The following STAT5B variants were observed in gnomAD, a reference collection of about 807,000 sequenced individuals.
The protein encoded by STAT5B is signal transducer and activator of transcription 5B, also known as transcription factor STAT5B.
A neutral mutation model predicts 107.8 loss-of-function variants in STAT5B; 21 were observed. The observed-to-expected ratio is 0.19, with a 90% CI of 0.14 to 0.28. The LOEUF is 0.28. STAT5B is among the 10% of genes least tolerant of loss of function. The probability of loss-of-function intolerance (pLI) is 1.00; values close to 1 mark genes in which losing one functional copy is unlikely to be tolerated. For missense variants in STAT5B, 565 were observed against 1,008.2 expected (o/e 0.56, Z 5.95); for synonymous variants, 325 against 401.7 (o/e 0.81, Z 2.28).
In STAT5B at chr17:42,201,140, A is replaced by G. The variant is rs1461777855; in HGVS notation, c.*598T>C. ...GCTTGTGACTTCCCTTGCCCCAACA[A>G]TCTTTGTAGGTTGCCCCTTTTCCCA... is the stretch of plus-strand genomic sequence containing the variant. On this transcript the variant is annotated 3_prime_UTR_variant, in exon 19 of 19. Transcript: ENST00000293328. 1.2e-5 allele frequency: 5 copies of G among 406,532 alleles called. No individual in the cohort carries two copies. Among genetic ancestry groups the G allele is most frequent in the African/African-American group, 2.1e-5 (1 of 48,688 alleles). The allele number at this position is 406,532 out of a possible 1,614,324, so 25.2% of individuals were successfully genotyped here.
At chr17:42,256,434 G>T (rs1284564216) in intron 1 of STAT5B, among the ~76,000 whole-genome samples, 2 of 152,140 alleles carry the variant, frequency 1.3e-5, no homozygotes, top group Non-Finnish European at 2.9e-5. Context: ...CCTTCTGAGG[G>T]TTGAAGTTCT....
chr17:42,218,367 C>T (rs1333006196), intron 8 of STAT5B, 37 bp from the exon 9 acceptor site: 98 of 1,601,770 alleles, frequency 6.1e-5, no homozygotes, highest in Admixed American at 1.7e-4. Context: ...TGATGAGGGG[C>T]TGGTGCAGGG....
chr17:42,234,587 T>A (rs187024736), intron 1 of STAT5B: 1 of 152,242 alleles, frequency 6.6e-6, no homozygotes, highest in Non-Finnish European at 1.5e-5. Context: ...TGGCCAGGCA[T>A]GGTGGCTCAC....
In STAT5B at chr17:42,276,385, G is replaced by C. The variant is rs891594690; in HGVS notation, c.-148C>G. On this transcript the variant is annotated 5_prime_UTR_variant, in exon 1 of 19. Transcript: ENST00000293328. The surrounding 1 kb of genome is among the most constrained non-coding windows in gnomAD (Gnocchi z 4.8). Reference sequence around the variant, plus strand: ...GGTCCCCGCCCGGGGTGACGGCTCCGGCCGCCGACTCTCCTCCCGCCGGGG... The same window carrying C: ...GGTCCCCGCCCGGGGTGACGGCTCCCGCCGCCGACTCTCCTCCCGCCGGGG... The C allele has an allele frequency of 6.8e-6, 1 of 146,890 alleles. No homozygotes were observed. Among genetic ancestry groups the C allele is most frequent in the Non-Finnish European group, 1.5e-5 (1 of 66,012 alleles). 9.1% of individuals were successfully genotyped at this position (146,890 alleles called of 1,614,324 possible). A position where few individuals can be genotyped will look rare whatever the true frequency, so the allele number is the denominator to read the frequency against.
At chr17:42,285,010 T>C in the STAT5B span, among the ~76,000 whole-genome samples, 1 of 152,182 alleles carries the variant, frequency 6.6e-6, no homozygotes, top group South Asian at 2.1e-4. Context: ...GTGTGCCAAC[T>C]GAAGCCTAGG....
chr17:42,206,571 G>A (rs2080086806), intron 16 of STAT5B, among the ~76,000 whole-genome samples: 1 of 151,992 alleles, frequency 6.6e-6, no homozygotes. Context: ...CTGTTTTTTT[G>A]TTTTCTTTTC....
intron 1 of STAT5B, among the ~76,000 whole-genome samples, chr17:42,238,646 T>G (rs2144317778): frequency 6.6e-6 from 1 of 151,226 alleles, no homozygotes; most frequent in South Asian, 2.1e-4. Context: ...AGAGATGGAG[T>G]TTTACCATCT....
chr17:42,204,003 T>C (rs1048414852), intron 16 of STAT5B, among the ~76,000 whole-genome samples: 30 of 152,226 alleles, frequency 2.0e-4, no homozygotes, highest in African/African-American at 5.3e-4. Flanking sequence ...GGAGAGCCGC[T>C]GATCTGATCT....
At chr17:42,218,048 C>T (rs1196834094) in intron 9 of STAT5B, 103 bp downstream of exon 9, 3 of 1,544,128 alleles carry the variant, frequency 1.9e-6, no homozygotes, top group African/African-American at 2.7e-5. Context: ...CAGAAGAGGC[C>T]AGAAGGGCAA....
At chr17:42,254,906 C>A (rs1165054574) in intron 1 of STAT5B, among the ~76,000 whole-genome samples, 1 of 152,170 alleles carries the variant, frequency 6.6e-6, no homozygotes. Flanking sequence ...TCCTGGCCAA[C>A]ATGGTGAAAC....
chr17:42,238,872 T>TC (rs201596525), intron 1 of STAT5B, among the ~76,000 whole-genome samples: 2,701 of 151,648 alleles, frequency 0.018, 77 homozygotes, highest in African/African-American at 0.062. Context: ...AATGAAAGAA[T>TC]GGAGAATTGT....
intron 8 of STAT5B, among the ~76,000 whole-genome samples, 172 bp from the exon 9 acceptor site, chr17:42,218,502 G>A (rs1445688489): frequency 3.3e-5 from 5 of 152,186 alleles, no homozygotes; most frequent in African/African-American, 4.8e-5. Flanking sequence ...AGGATGGAGA[G>A]GGGAGTGAGA....
intron 1 of STAT5B, among the ~76,000 whole-genome samples, chr17:42,262,920 GTGTATATATATATGTATATATA>G (rs2080621526): frequency 2.0e-5 from 2 of 100,616 alleles, no homozygotes; most frequent in Non-Finnish European, 4.0e-5. Flanking sequence ...ATATATATGT[GTGTATATATATATGTATATATA>G]TGTGTGTGTG....
chr17:42,243,635 T>C (rs992326869), intron 1 of STAT5B, among the ~76,000 whole-genome samples: 2 of 152,186 alleles, frequency 1.3e-5, no homozygotes, highest in African/African-American at 4.8e-5. Flanking sequence ...GTGAAGTATA[T>C]GCGAGTACTC....
chr17:42,277,088 G>A (rs1162064730), upstream of STAT5B, among the ~76,000 whole-genome samples: 2 of 152,228 alleles, frequency 1.3e-5, no homozygotes, highest in Non-Finnish European at 2.9e-5. Flanking sequence ...TCTCTCTAGA[G>A]AAGAAAGAAT....
the STAT5B span, among the ~76,000 whole-genome samples, chr17:42,282,674 G>T: frequency 1.3e-5 from 2 of 152,150 alleles, no homozygotes; most frequent in African/African-American, 4.8e-5. Context: ...CCAGCAGTGG[G>T]TCTTGCTATT....
At chr17:42,202,222 T>A in intron 18 of STAT5B, 118 bp downstream of exon 18, 1 of 1,213,912 alleles carries the variant, frequency 8.2e-7, no homozygotes, top group Non-Finnish European at 1.2e-6. Context: ...GGGCCAGGGC[T>A]GTGTGGTCTC....
At chr17:42,265,541 C>CG (rs1567678490) in intron 1 of STAT5B, among the ~76,000 whole-genome samples, 1 of 151,550 alleles carries the variant, frequency 6.6e-6, no homozygotes, top group African/African-American at 2.4e-5. Flanking sequence ...TTAGTAGAGA[C>CG]GGGGTTTCAC....
At chr17:42,265,988 T>G (rs2144413100) in intron 1 of STAT5B, among the ~76,000 whole-genome samples, 1 of 152,336 alleles carries the variant, frequency 6.6e-6, no homozygotes, top group East Asian at 1.9e-4. Context: ...TTACCCATAA[T>G]GCTTTGTCAT....
Sources: gnomAD v4.1 joint callset for allele counts (sites outside exome capture counted in the v4.1 genomes callset) on GRCh38, gnomAD v4.1.1 for gene constraint, Gnocchi (gnomAD v3.1) non-coding constraint, MANE v1.5 for transcripts, NCBI Gene and HGNC (gene_info 2026-07-23, HGNC 2026-07-21) for gene names.